The following TRPM3 variants were observed in gnomAD, a reference collection of about 807,000 sequenced individuals.
TRPM3 encodes the protein transient receptor potential cation channel subfamily M member 3.
Under a neutral mutation model 181.2 loss-of-function variants are expected in TRPM3, and 77 were observed. The observed-to-expected ratio is 0.42, with a 90% CI of 0.35 to 0.51. The LOEUF is 0.51. TRPM3 is among the 20% of genes least tolerant of loss of function. TRPM3 has a pLI of 0.01. For missense variants in TRPM3, 1,759 were observed against 2,196.7 expected (o/e 0.80, Z 3.98); for synonymous variants, 745 against 796.4 (o/e 0.94, Z 1.09).
intron 1 of TRPM3, among the ~76,000 whole-genome samples, chr9:71,254,393 G>T (rs560261999): frequency 6.6e-6 from 1 of 152,170 alleles, no homozygotes; most frequent in African/African-American, 2.4e-5. Flanking sequence ...CATTTAGACA[G>T]GAGATATAAG....
intron 1 of TRPM3, among the ~76,000 whole-genome samples, chr9:70,974,464 G>A (rs1270317676): frequency 2.6e-5 from 4 of 152,000 alleles, no homozygotes; most frequent in Admixed American, 6.6e-5. Context: ...GTGTGAACCC[G>A]GGAGGCGGAG....
At chr9:71,388,173 G>GA (rs1419416996) in intron 1 of TRPM3, among the ~76,000 whole-genome samples, 2 of 152,024 alleles carry the variant, frequency 1.3e-5, no homozygotes, top group Admixed American at 6.6e-5. Context: ...GAGCTAAGAG[G>GA]AAAAAACTTT....
chr9:70,957,550 T>G (rs1262291515), intron 1 of TRPM3, among the ~76,000 whole-genome samples: 1 of 152,234 alleles, frequency 6.6e-6, no homozygotes, highest in Non-Finnish European at 1.5e-5. Context: ...ACCTCATATT[T>G]TTTTTTGAAG....
chr9:71,058,222 C>T (rs2060891084), intron 1 of TRPM3, among the ~76,000 whole-genome samples: 1 of 152,006 alleles, frequency 6.6e-6, no homozygotes, highest in African/African-American at 2.4e-5. Flanking sequence ...AAATCTATAG[C>T]TTTGGCTGAT....
At chr9:71,033,916 C>G (rs928557842) in intron 1 of TRPM3, among the ~76,000 whole-genome samples, 7 of 152,122 alleles carry the variant, frequency 4.6e-5, no homozygotes, top group African/African-American at 1.7e-4. Context: ...CATCCCATCA[C>G]AGGGCACATT....
At chr9:70,908,925 C>A (rs1464417099) in intron 1 of TRPM3, among the ~76,000 whole-genome samples, 1 of 152,138 alleles carries the variant, frequency 6.6e-6, no homozygotes, top group Admixed American at 6.5e-5. Flanking sequence ...AGGAAAACAA[C>A]AAAACTACCG....
rs778075921 is a variant in TRPM3 at position 71,292,031 on chromosome 9, A to G, written c.183+154622T>C. ...AATGAAAGACGGAAAAAGGAGGAGAAAGACAAGAAGAGCAGGCAGAATAAG... is the reference window on the plus strand; with the variant it reads ...AATGAAAGACGGAAAAAGGAGGAGAGAGACAAGAAGAGCAGGCAGAATAAG... On this transcript the variant is annotated intron_variant, in intron 1 of 24. Transcript: ENST00000357533. Among the ~76,000 whole-genome samples, 13 of 152,216 alleles carry G rather than the reference A, an allele frequency of 8.5e-5. No individual in the cohort carries two copies. The East Asian group carries it at 2.1e-3, about 25-fold the overall frequency.
intron 8 of TRPM3, among the ~76,000 whole-genome samples, chr9:70,694,434 TAAC>T (rs2069581499): frequency 2.0e-5 from 3 of 152,188 alleles, no homozygotes; most frequent in Admixed American, 2.0e-4. Context: ...ATTAATTCCT[TAAC>T]AACATCCATA....
At chr9:70,539,689 T>C (rs1443081461) in intron 25 of TRPM3, among the ~76,000 whole-genome samples, 1 of 152,204 alleles carries the variant, frequency 6.6e-6, no homozygotes, top group African/African-American at 2.4e-5. Context: ...TTCTGTCCTA[T>C]AAACATAGCC....
intron 1 of TRPM3, among the ~76,000 whole-genome samples, chr9:71,407,038 C>T (rs981815273): frequency 1.3e-5 from 2 of 152,096 alleles, no homozygotes; most frequent in African/African-American, 4.8e-5. Flanking sequence ...ACCAAATTGG[C>T]TATTTTCTCC....
At chr9:70,892,225 T>A (rs2096215976) in intron 1 of TRPM3, among the ~76,000 whole-genome samples, 2 of 152,312 alleles carry the variant, frequency 1.3e-5, no homozygotes, top group South Asian at 4.1e-4. Context: ...AATTTACTTC[T>A]TTTAGCCACA....
chr9:70,616,179 T>G (rs1442674973), intron 17 of TRPM3, 104 bp from the exon 18 acceptor site: 2 of 823,420 alleles, frequency 2.4e-6, no homozygotes, highest in Admixed American at 6.1e-5. Context: ...TAAGAGTGTA[T>G]GCGTGTGTGT....
rs562589243 is a variant in TRPM3, at chr9:70,594,877, G to T, written c.3048+3542C>A. Among the ~76,000 whole-genome samples, 95 of 152,240 alleles carry T rather than the reference G, an allele frequency of 6.2e-4. 2 individuals are homozygous for T. The South Asian group carries it at 0.018, about 29-fold the overall frequency. ...CATTTTCTTAAGTTCCAGCCTGGTGGTCCATCTGACTCACTGATAAATTCT... is the reference window on the plus strand; with the variant it reads ...CATTTTCTTAAGTTCCAGCCTGGTGTTCCATCTGACTCACTGATAAATTCT... On this transcript the variant is annotated intron_variant, in intron 21 of 25. Coordinates refer to ENST00000677713, the MANE Select transcript of TRPM3 (RefSeq NM_001366145.2).
chr9:71,249,813 G>A (rs1342765723), intron 1 of TRPM3, among the ~76,000 whole-genome samples: 1 of 152,070 alleles, frequency 6.6e-6, no homozygotes, highest in African/African-American at 2.4e-5. Flanking sequence ...AGAAAGCAAC[G>A]CAGACCTGGA....
chr9:70,799,395 T>C (rs1223873226), intron 6 of TRPM3, among the ~76,000 whole-genome samples: 4 of 152,234 alleles, frequency 2.6e-5, no homozygotes, highest in Non-Finnish European at 4.4e-5. Flanking sequence ...AAGTGATAAA[T>C]TGTTATTTGA....
chr9:70,828,261 G>A (rs1477390921), intron 5 of TRPM3, among the ~76,000 whole-genome samples: 3 of 152,200 alleles, frequency 2.0e-5, no homozygotes, highest in Non-Finnish European at 4.4e-5. Flanking sequence ...GCAGAAAATA[G>A]AGATGGTGCT....
At chr9:70,931,607 A>G (rs547579726) in intron 1 of TRPM3, among the ~76,000 whole-genome samples, 3 of 152,026 alleles carry the variant, frequency 2.0e-5, no homozygotes, top group South Asian at 2.1e-4. Context: ...TTTTTGTACT[A>G]TAATTCTTTT....
rs148285893 is a variant in TRPM3, at chr9:71,291,716, T to C, written c.183+154937A>G. Among the ~76,000 whole-genome samples the C allele has an allele frequency of 2.1e-3, 322 of 152,212 alleles. 1 individual carries two copies. Among genetic ancestry groups the C allele is most frequent in the South Asian group, 1.0e-3 (5 of 4,822 alleles). Reference sequence around the variant, plus strand: ...TACAGATACAAAAAACAATTACAAATCTGCCCTCATAGTGGAAGTTCTGAT... The same window carrying C: ...TACAGATACAAAAAACAATTACAAACCTGCCCTCATAGTGGAAGTTCTGAT... On this transcript the variant is annotated intron_variant, in intron 1 of 24. Coordinates refer to the TRPM3 transcript ENST00000357533.
At chr9:70,772,071 GA>G (rs1457121000) in intron 7 of TRPM3, among the ~76,000 whole-genome samples, 1 of 152,116 alleles carries the variant, frequency 6.6e-6, no homozygotes, top group African/African-American at 2.4e-5. Context: ...TAAAAACAGG[GA>G]AAATGTCAAA....
Sources: allele counts gnomAD v4.1 joint callset (sites outside exome capture counted in the v4.1 genomes callset), GRCh38; gene constraint gnomAD v4.1.1; transcripts MANE v1.5; gene names NCBI Gene and HGNC (gene_info 2026-07-23, HGNC 2026-07-21).